The following GALNTL5 variants were observed in gnomAD, a reference collection of about 807,000 sequenced individuals.
The protein encoded by GALNTL5 is inactive polypeptide N-acetylgalactosaminyltransferase-like protein 5.
A neutral mutation model predicts 51.0 loss-of-function variants in GALNTL5; 44 were observed. The ratio of observed to expected loss-of-function variants is 0.86; its 90% CI spans 0.68 to 1.11. The LOEUF is 1.11. Ranked by LOEUF, GALNTL5 falls within the 50% of genes least tolerant of loss-of-function variation. The probability of loss-of-function intolerance (pLI) is 0.00; values close to 1 mark genes in which losing one functional copy is unlikely to be tolerated. For synonymous variants in GALNTL5, 192 were observed against 182.8 expected, an observed-to-expected ratio of 1.05 and a Z score of -0.41; for missense variants, 528 against 531.8, an observed-to-expected ratio of 0.99 and a Z score of 0.07.
intron 3 of GALNTL5, among the ~76,000 whole-genome samples, chr7:151,982,166 A>G (rs1003529675): frequency 1.3e-5 from 2 of 152,130 alleles, no homozygotes; most frequent in African/African-American, 4.8e-5. Flanking sequence ...TAATCCCAAC[A>G]CTTTGGGAGG....
chr7:152,001,761 G>A (rs1414973523), intron 5 of GALNTL5, among the ~76,000 whole-genome samples: 1 of 152,066 alleles, frequency 6.6e-6, no homozygotes, highest in Non-Finnish European at 1.5e-5. Flanking sequence ...TTTAAAAAGA[G>A]CCAGCTGGGA....
In GALNTL5 at chr7:151,987,218, A is replaced by T; in HGVS notation, c.595A>T (p.Ile199Leu). The T allele has an allele frequency of 1.2e-6, 2 of 1,600,050 alleles. No homozygotes were observed. Among genetic ancestry groups the T allele is most frequent in the Non-Finnish European group, 1.7e-6 (2 of 1,175,950 alleles). The change falls in exon 5 of 9, where the codon ATA (isoleucine) becomes TTA (leucine). Residue 199 changes from isoleucine to leucine, a missense_variant. By Grantham distance (5) the Ile-to-Leu change is conservative. Coordinates refer to ENST00000392800, the MANE Select transcript of GALNTL5 (RefSeq NM_145292.4). ...LETFRGKVKI[I>L]RNKKREGLIR... is the part of the protein sequence containing the mutation. ...AACTTTTCGGGGAAAGGTTAAAATA[A>T]TAAGAAACAAAAAGAGAGAGGGGCT...
chr7:151,987,620 T>C (rs116221061), intron 5 of GALNTL5, among the ~76,000 whole-genome samples: 1 of 51,170 alleles, frequency 2.0e-5, no homozygotes, highest in Non-Finnish European at 4.7e-5. Context: ...AGACTGGGGG[T>C]GGGGTGGGCG....
chr7:151,970,675 T>C (rs551050165), intron 2 of GALNTL5: 1 of 239,008 alleles, frequency 4.2e-6, no homozygotes, highest in Admixed American at 5.3e-5. Context: ...CAGGAGCAGA[T>C]GCTGGCTCAA....
intron 5 of GALNTL5, among the ~76,000 whole-genome samples, chr7:152,000,746 C>T (rs188452777): frequency 2.2e-4 from 33 of 152,222 alleles, no homozygotes; most frequent in East Asian, 7.7e-4. Context: ...AAATCTCTTG[C>T]GCATTTTAAA....
At chr7:151,973,388 C>T (rs909339368) in intron 3 of GALNTL5, among the ~76,000 whole-genome samples, 2 of 152,060 alleles carry the variant, frequency 1.3e-5, no homozygotes, top group African/African-American at 2.4e-5. Flanking sequence ...TTGTTTCAAC[C>T]CAGCCAGCAG....
intron 3 of GALNTL5, among the ~76,000 whole-genome samples, chr7:151,974,850 T>C (rs897395193): frequency 6.6e-6 from 1 of 152,170 alleles, no homozygotes; most frequent in Admixed American, 6.6e-5. Context: ...TTTAGAGAGA[T>C]TTGTCCAGAA....
chr7:151,959,449 C>T (rs1476468471), intron 1 of GALNTL5, among the ~76,000 whole-genome samples: 1 of 152,098 alleles, frequency 6.6e-6, no homozygotes, highest in Non-Finnish European at 1.5e-5. Flanking sequence ...TTTTAATTGG[C>T]ATAATCAAAT....
chr7:151,991,085 T>C (rs1435895731), intron 5 of GALNTL5, among the ~76,000 whole-genome samples: 2 of 149,462 alleles, frequency 1.3e-5, no homozygotes, highest in Non-Finnish European at 2.9e-5. Flanking sequence ...CTGTTCTTTT[T>C]GTTGTTGTTG....
intron 5 of GALNTL5, among the ~76,000 whole-genome samples, chr7:152,001,111 C>T (rs1043826517): frequency 6.6e-6 from 1 of 151,130 alleles, no homozygotes; most frequent in Non-Finnish European, 1.5e-5. Flanking sequence ...CGGGGTTTCG[C>T]TATGTTGGCC....
intron 5 of GALNTL5, among the ~76,000 whole-genome samples, chr7:151,996,767 A>T (rs2081505571): frequency 6.6e-6 from 1 of 151,024 alleles, no homozygotes; most frequent in Non-Finnish European, 1.5e-5. Flanking sequence ...AATTAAAACA[A>T]GATACAGCAA....
intron 5 of GALNTL5, among the ~76,000 whole-genome samples, chr7:151,990,543 T>A (rs992007886): frequency 4.0e-4 from 40 of 100,250 alleles, no homozygotes; most frequent in Non-Finnish European, 5.2e-4. Flanking sequence ...ATTGCGCCAC[T>A]GCACTCCAGC....
chr7:151,998,783 AC>A (rs148297320), intron 5 of GALNTL5, among the ~76,000 whole-genome samples: 77,679 of 139,300 alleles, frequency 0.56, 21,970 homozygotes, highest in South Asian at 0.67. Flanking sequence ...AAAAAAAAAA[AC>A]AAAAAACAAA....
At chr7:152,015,017 C>T (rs1170765651) in intron 8 of GALNTL5, among the ~76,000 whole-genome samples, 2 of 152,136 alleles carry the variant, frequency 1.3e-5, no homozygotes, top group Non-Finnish European at 2.9e-5. Context: ...ATACTGGGGC[C>T]TTCCTGAGGG....
intron 5 of GALNTL5, 29 bp downstream of exon 5, chr7:151,987,310 G>C (rs2081370789): frequency 6.5e-7 from 1 of 1,536,266 alleles, no homozygotes; most frequent in South Asian, 1.3e-5. Flanking sequence ...ACAAGAGCCA[G>C]TGACGGCGTC....
intron 2 of GALNTL5, among the ~76,000 whole-genome samples, chr7:151,969,954 C>T (rs1425248656): frequency 6.7e-6 from 1 of 150,006 alleles, no homozygotes; most frequent in Non-Finnish European, 1.5e-5. Flanking sequence ...CTACAGGCAC[C>T]AGCCGCCACG....
chr7:151,976,682 T>A (rs970632035), intron 3 of GALNTL5, among the ~76,000 whole-genome samples: 6 of 152,098 alleles, frequency 3.9e-5, no homozygotes, highest in Admixed American at 2.6e-4. Flanking sequence ...ATATATATAT[T>A]TTTTGAGATG....
At chr7:151,978,048 A>G (rs561101743) in intron 3 of GALNTL5, among the ~76,000 whole-genome samples, 1 of 151,734 alleles carries the variant, frequency 6.6e-6, no homozygotes, top group South Asian at 2.1e-4. Context: ...AGTTATCTTT[A>G]TTGGTTCATT....
At chr7:151,998,320 GA>G (rs2081526183) in intron 5 of GALNTL5, among the ~76,000 whole-genome samples, 1 of 136,494 alleles carries the variant, frequency 7.3e-6, no homozygotes, top group African/African-American at 2.7e-5. Context: ...AAAACCAATG[GA>G]AAAGGTGCTA....
Sources: allele counts gnomAD v4.1 joint callset (sites outside exome capture counted in the v4.1 genomes callset), GRCh38; gene constraint gnomAD v4.1.1; transcripts MANE v1.5; gene names NCBI Gene and HGNC (gene_info 2026-07-23, HGNC 2026-07-21).